HABP4: variants seen among roughly 807,000 people sequenced by gnomAD.
The protein encoded by HABP4 is hyaluronan binding protein 4.
Under a neutral mutation model 44.1 loss-of-function variants are expected in HABP4, and 32 were observed. The observed-to-expected ratio is 0.73, with a 90% CI of 0.55 to 0.97. The LOEUF is 0.97. HABP4 is among the 50% of genes least tolerant of loss of function. The pLI is 0.00. For missense variants in HABP4, 503 were observed against 561.9 expected, an observed-to-expected ratio of 0.90 and a Z score of 1.06; for synonymous variants, 216 against 218.0, an observed-to-expected ratio of 0.99 and a Z score of 0.08.
intron 1 of HABP4, among the ~76,000 whole-genome samples, chr9:96,457,114 G>A (rs12003300): frequency 0.012 from 1,750 of 151,982 alleles, 29 homozygotes; most frequent in African/African-American, 0.038. Flanking sequence ...CCAGAGTCTC[G>A]GCCGGGCACG....
chr9:96,482,161 A>G (rs1251331439), intron 5 of HABP4, among the ~76,000 whole-genome samples: 10 of 152,030 alleles, frequency 6.6e-5, no homozygotes, highest in Admixed American at 5.9e-4. Context: ...GCTGGTCTCG[A>G]ACTCCTGACC....
Position 96,465,767 on chromosome 9 carries a change from T to A in HABP4, c.732T>A (p.Gly244=). The A allele has an allele frequency of 6.4e-7, 1 of 1,563,472 alleles. No homozygotes were observed. The highest frequency in any genetic ancestry group is 8.8e-7 in the Non-Finnish European group (1 of 1,133,864). ...GGCGVRTWGS[G]KDTSDVEPTA... is the part of the protein sequence containing the mutation. Reference sequence around the variant, plus strand: ...GTGGAGTTCGAACCTGGGGATCGGGTAAAGATACCAGGTACGGTGTAAGTG... The same window carrying A: ...GTGGAGTTCGAACCTGGGGATCGGGAAAAGATACCAGGTACGGTGTAAGTG... Residue 244 remains glycine, a synonymous_variant, in exon 4 of 8, where the codon GGT becomes GGA. Transcript: ENST00000375249.
intron 1 of HABP4, among the ~76,000 whole-genome samples, chr9:96,454,774 G>A (rs1587768507): frequency 6.6e-6 from 1 of 152,122 alleles, no homozygotes; most frequent in East Asian, 1.9e-4. Flanking sequence ...AATAAAGCAC[G>A]TGCCCCCAGA....
At chr9:96,482,880 TA>T (rs1832903326) in intron 5 of HABP4, 1 of 152,270 alleles carries the variant, frequency 6.6e-6, no homozygotes. Flanking sequence ...ATATTTGGTT[TA>T]TCCACTCATT....
chr9:96,455,392 C>T (rs1832356481), intron 1 of HABP4, among the ~76,000 whole-genome samples: 1 of 144,182 alleles, frequency 6.9e-6, no homozygotes, highest in Non-Finnish European at 1.5e-5. Flanking sequence ...ACAGAGGTTG[C>T]AGTGAGCTGA....
intron 4 of HABP4, 105 bp from the exon 5 acceptor site, chr9:96,470,906 A>G: frequency 1.3e-6 from 1 of 745,552 alleles, no homozygotes; most frequent in Non-Finnish European, 2.4e-6. Flanking sequence ...AAAAAAAAAA[A>G]AAAACCCAAA....
Position 96,490,106 on chromosome 9 carries a change from C to T in HABP4, c.*68C>T, listed in dbSNP as rs912593053. ...TGTGGGGAGACTTTTCCAGCTGGGCCAAGGGAGTCAGACTCTAAGAACAAT... is the reference window on the plus strand; with the variant it reads ...TGTGGGGAGACTTTTCCAGCTGGGCTAAGGGAGTCAGACTCTAAGAACAAT... On this transcript the variant is annotated 3_prime_UTR_variant, in exon 8 of 8. Transcript: ENST00000375249. 4.4e-6 allele frequency: 4 copies of T among 916,098 alleles called. No individual in the cohort carries two copies. Among genetic ancestry groups the T allele is most frequent in the African/African-American group, 1.6e-5 (1 of 61,518 alleles). 56.7% of individuals were successfully genotyped at this position (916,098 alleles called of 1,614,324 possible).
rs199959448 is a variant in HABP4, at chr9:96,490,077, C to T, written c.*39C>T. On this transcript the variant is annotated 3_prime_UTR_variant, in exon 8 of 8. Coordinates refer to ENST00000375249, the MANE Select transcript of HABP4 (RefSeq NM_014282.4). ...CCCAGCACCGCGGAGCTGCACTGCA[C>T]ACCTGTGGGGAGACTTTTCCAGCTG... The T allele has an allele frequency of 1.1e-5, 14 of 1,265,984 alleles. No homozygotes were observed. The highest frequency in any genetic ancestry group is 3.7e-4 in the Middle Eastern group (2 of 5,338). 78.4% of individuals were successfully genotyped at this position (1,265,984 alleles called of 1,614,324 possible). A position where few individuals can be genotyped will look rare whatever the true frequency, so the allele number is the denominator to read the frequency against.
chr9:96,459,930 C>T (rs1228094397), intron 2 of HABP4, among the ~76,000 whole-genome samples: 1 of 152,142 alleles, frequency 6.6e-6, no homozygotes, highest in Admixed American at 6.6e-5. Context: ...TTGGTGATTA[C>T]TTCAAATCTG....
intron 7 of HABP4, 69 bp from the exon 8 acceptor site, chr9:96,489,913 T>C (rs372203280): frequency 4.1e-6 from 4 of 970,504 alleles, no homozygotes; most frequent in Non-Finnish European, 6.8e-6. Flanking sequence ...CAGGCCCTTG[T>C]TATCCCACTG....
At chr9:96,463,317 C>A (rs931585985) in intron 2 of HABP4, among the ~76,000 whole-genome samples, 7 of 151,862 alleles carry the variant, frequency 4.6e-5, no homozygotes, top group Admixed American at 4.6e-4. Context: ...TGCAGTGGTG[C>A]CATCTCGGCT....
intron 4 of HABP4, among the ~76,000 whole-genome samples, chr9:96,470,569 G>A (rs893734832): frequency 6.6e-6 from 1 of 152,006 alleles, no homozygotes; most frequent in Non-Finnish European, 1.5e-5. Context: ...TTCTGTTATT[G>A]TAGTTCAATT....
At chr9:96,462,791 A>G (rs925215123) in intron 2 of HABP4, among the ~76,000 whole-genome samples, 1 of 151,784 alleles carries the variant, frequency 6.6e-6, no homozygotes, top group Non-Finnish European at 1.5e-5. Flanking sequence ...GTGTGGTGGC[A>G]CATGCCTGTA....
intron 1 of HABP4, among the ~76,000 whole-genome samples, chr9:96,454,984 A>G (rs1414322554): frequency 6.6e-6 from 1 of 151,850 alleles, no homozygotes; most frequent in Non-Finnish European, 1.5e-5. Flanking sequence ...GCTGGGTGTG[A>G]TGGTGCAGCC....
chr9:96,490,566 C>G lies in HABP4; in HGVS notation c.*528C>G, dbSNP rs1833073631. ...ATTTTGAGTTCTGGTTTTCACTTAA[C>G]CAATCATTTAAAAATCGCTATTGTG... On this transcript the variant is annotated 3_prime_UTR_variant, in exon 8 of 8. Coordinates refer to ENST00000375249, the MANE Select transcript of HABP4 (RefSeq NM_014282.4). The G allele has an allele frequency of 6.6e-6, 1 of 152,480 alleles. No individual in the cohort carries two copies. The highest frequency in any genetic ancestry group is 1.5e-5 in the Non-Finnish European group (1 of 68,258). 9.4% of individuals were successfully genotyped at this position (152,480 alleles called of 1,614,324 possible). A position where few individuals can be genotyped will look rare whatever the true frequency, so the allele number is the denominator to read the frequency against.
intron 4 of HABP4, among the ~76,000 whole-genome samples, chr9:96,466,754 G>A (rs1158149557): frequency 6.6e-6 from 1 of 152,114 alleles, no homozygotes; most frequent in Non-Finnish European, 1.5e-5. Context: ...GTTCTGCTCT[G>A]TTTTATTTCA....
At chr9:96,464,197 G>A (rs943971621) in intron 2 of HABP4, among the ~76,000 whole-genome samples, 1 of 152,184 alleles carries the variant, frequency 6.6e-6, no homozygotes, top group African/African-American at 2.4e-5. Flanking sequence ...TTGGGCATGT[G>A]TGTGCCTGAC....
chr9:96,475,045 G>A (rs933961880), intron 5 of HABP4, among the ~76,000 whole-genome samples: 7 of 152,030 alleles, frequency 4.6e-5, no homozygotes, highest in South Asian at 2.1e-4. Flanking sequence ...AGTGTCCGAC[G>A]ATACCTGTGA....
rs1006757809 is a variant in HABP4 at position 96,488,926 on chromosome 9, C to T, written c.1185+652C>T. On this transcript the variant is annotated intron_variant, in intron 7 of 7. Coordinates refer to ENST00000375249, the MANE Select transcript of HABP4 (RefSeq NM_014282.4). The surrounding 1 kb of genome is among the most constrained non-coding windows in gnomAD (Gnocchi z 4.6). Reference sequence around the variant, plus strand: ...GCTGTATTCTCACTGGTGTGGCTATCGGTCAGCGGCTGCTTTTGCTCATTA... The same window carrying T: ...GCTGTATTCTCACTGGTGTGGCTATTGGTCAGCGGCTGCTTTTGCTCATTA... Among the ~76,000 whole-genome samples the T allele has an allele frequency of 4.6e-5, 7 of 152,296 alleles. No individual in the cohort carries two copies. Among genetic ancestry groups the T allele is most frequent in the Admixed American group, 2.0e-4 (3 of 15,304 alleles).
Sources: gnomAD v4.1 joint callset for allele counts (sites outside exome capture counted in the v4.1 genomes callset) on GRCh38, gnomAD v4.1.1 for gene constraint, Gnocchi (gnomAD v3.1) non-coding constraint, MANE v1.5 for transcripts, NCBI Gene and HGNC (gene_info 2026-07-23, HGNC 2026-07-21) for gene names.